The following LRRC45 variants were observed in gnomAD, a reference collection of about 807,000 sequenced individuals.
The protein encoded by LRRC45 is leucine rich repeat containing 45.
A neutral mutation model predicts 85.4 loss-of-function variants in LRRC45; 73 were observed. That is an observed-to-expected ratio of 0.85 (90% CI 0.71 to 1.04). The LOEUF is 1.04. LRRC45 is among the 50% of genes least tolerant of loss of function. The pLI is 0.00. For missense variants in LRRC45, 937 were observed against 883.3 expected, an observed-to-expected ratio of 1.06 and a Z score of -0.77; for synonymous variants, 429 against 386.0, an observed-to-expected ratio of 1.11 and a Z score of -1.31.
intron 1 of LRRC45, 130 bp from the exon 2 acceptor site, chr17:82,024,148 C>A: frequency 9.1e-7 from 1 of 1,098,668 alleles, no homozygotes; most frequent in African/African-American, 1.6e-5. Context: ...AGACTCTTGG[C>A]CAGCGCCAAC....
chr17:82,026,976 G>A lies in LRRC45; in HGVS notation c.739G>A (p.Glu247Lys), dbSNP rs375847680. The A allele has an allele frequency of 5.3e-5, 85 of 1,606,540 alleles. No homozygotes were observed. Among genetic ancestry groups the A allele is most frequent in the Non-Finnish European group, 7.1e-5 (84 of 1,178,490 alleles). ...NQARTHVLSK[E>K]VQHLREEKSK... ...AGCCCGCACTCACGTCCTCAGCAAGGAGGTCCAGCACCTCCGGGAGGAGAA... is the reference window on the plus strand; with the variant it reads ...AGCCCGCACTCACGTCCTCAGCAAGAAGGTCCAGCACCTCCGGGAGGAGAA... The change falls in exon 6 of 17, where the codon GAG becomes AAG. Residue 247 changes from glutamate (E) to lysine (K), a missense_variant. By Grantham distance (56) the Glu-to-Lys change is moderately conservative (BLOSUM62 1). Coordinates refer to ENST00000306688, the MANE Select transcript of LRRC45 (RefSeq NM_144999.4).
chr17:82,026,754 A>G (rs2043371422), intron 5 of LRRC45, 145 bp from the exon 6 acceptor site: 2 of 567,740 alleles, frequency 3.5e-6, no homozygotes, highest in African/African-American at 3.8e-5. Context: ...ACTTTTTTGT[A>G]TTTTTAGTAC....
chr17:82,025,502 C>G lies in LRRC45; in HGVS notation c.656C>G (p.Ala219Gly). 1.9e-6 allele frequency: 3 copies of G among 1,602,850 alleles called. No individual in the cohort carries two copies. Among genetic ancestry groups the G allele is most frequent in the Non-Finnish European group, 2.6e-6 (3 of 1,174,526 alleles). Residue 219 changes from alanine to glycine, a missense_variant, in exon 5 of 17, where the codon GCC becomes GGC. Ala to Gly is a moderately conservative substitution (Grantham distance 60, BLOSUM62 0). Transcript: ENST00000306688. ...GNNIPGDVLR[A>G]VEQAMGHSQD... Reference sequence around the variant, plus strand: ...AACATCCCTGGAGACGTCCTCAGAGCCGTGGGTACGGTGCAGGGCTGTGTG... The same window carrying G: ...AACATCCCTGGAGACGTCCTCAGAGGCGTGGGTACGGTGCAGGGCTGTGTG...
At chr17:82,025,581 G>A in intron 5 of LRRC45, 74 bp downstream of exon 5, 31 of 1,454,590 alleles carry the variant, frequency 2.1e-5, no homozygotes, top group Non-Finnish European at 2.7e-5. Context: ...GGGGTGCCGG[G>A]CTCAGGACGG....
intron 7 of LRRC45, 73 bp from the exon 8 acceptor site, chr17:82,027,601 C>G: frequency 5.2e-6 from 8 of 1,544,216 alleles, no homozygotes; most frequent in Non-Finnish European, 7.1e-6. Flanking sequence ...ACAGCAGCAG[C>G]TACCGAGGCC....
In LRRC45 at chr17:82,028,518, G is replaced by A. The variant is rs1367324140; in HGVS notation, c.1237+10G>A. Reference sequence around the variant, plus strand: ...GCCATCCAGGCCGAGGGTGGGCACGGGCAGGCCTGCTGTGGAGGGGCCTGG... The same window carrying A: ...GCCATCCAGGCCGAGGGTGGGCACGAGCAGGCCTGCTGTGGAGGGGCCTGG... On this transcript the variant is annotated intron_variant, in intron 11 of 16. Coordinates refer to ENST00000306688, the MANE Select transcript of LRRC45 (RefSeq NM_144999.4). 1.1e-5 allele frequency: 17 copies of A among 1,612,024 alleles called. No individual in the cohort carries two copies. The highest frequency in any genetic ancestry group is 1.4e-5 in the Non-Finnish European group (16 of 1,179,680).
chr17:82,029,433 G>A (rs946195089), intron 13 of LRRC45, 110 bp from the exon 14 acceptor site: 3 of 1,260,684 alleles, frequency 2.4e-6, no homozygotes, highest in East Asian at 2.5e-5. Flanking sequence ...TGGCCCTCAG[G>A]AGGCTGGCAG....
chr17:82,027,645 ACTCTCTGCACCCTC>A lies in LRRC45; in HGVS notation c.834-20_834-7del, dbSNP rs143543719. ...ATGGGAGCGCTCTGGGGTTTGGGTT[ACTCTCTGCACCCTC>A]CTCTCTGCCCACAGGGCGTCGGCAG... is the stretch of plus-strand genomic sequence containing the variant. On this transcript the variant is annotated splice_polypyrimidine_tract_variant and intron_variant, in intron 7 of 16. Coordinates refer to ENST00000306688, the MANE Select transcript of LRRC45 (RefSeq NM_144999.4). 4.1e-4 allele frequency: 651 copies of A among 1,602,840 alleles called. 2 individuals are homozygous for A. The African/African-American group carries it at 7.7e-3, about 19-fold the overall frequency.
chr17:82,027,102 C>A, intron 6 of LRRC45, 91 bp downstream of exon 6: 1 of 1,166,948 alleles, frequency 8.6e-7, no homozygotes, highest in Non-Finnish European at 1.2e-6. Context: ...GTCTGCCCAT[C>A]TTCCCTTCCT....
chr17:82,029,311 C>CT (rs1457916844), intron 13 of LRRC45, 126 bp downstream of exon 13: 17 of 1,012,108 alleles, frequency 1.7e-5, no homozygotes, highest in Non-Finnish European at 2.4e-5. Flanking sequence ...TAGGCCCCAC[C>CT]TTGGGGACCC....
chr17:82,027,595 C>T (rs1353054686), intron 7 of LRRC45, 79 bp from the exon 8 acceptor site: 1 of 1,536,284 alleles, frequency 6.5e-7, no homozygotes, highest in Non-Finnish European at 8.9e-7. Flanking sequence ...TAAGGAACAG[C>T]AGCAGCTACC....
intron 5 of LRRC45, among the ~76,000 whole-genome samples, chr17:82,025,795 G>A (rs148692587): frequency 6.6e-6 from 1 of 152,342 alleles, no homozygotes; most frequent in Non-Finnish European, 1.5e-5. Context: ...GTGGCTCACA[G>A]TCCTGGCCTT....
Position 82,029,413 on chromosome 17 carries a change from A to C in LRRC45, c.1402-130A>C. 3.7e-6 allele frequency: 4 copies of C among 1,087,368 alleles called. No individual in the cohort carries two copies. The East Asian group carries it at 1.0e-4, about 28-fold the overall frequency. 67.4% of individuals were successfully genotyped at this position (1,087,368 alleles called of 1,614,324 possible). ...CCTTGCCCAGCGAGCTAGGTGGCAG[A>C]GCAGCTGCGTGGCCCTCAGGAGGCT... is the stretch of plus-strand genomic sequence containing the variant. On this transcript the variant is annotated intron_variant, in intron 13 of 16. Transcript: ENST00000306688.
At chr17:82,023,911 A>T in intron 1 of LRRC45, 48 bp downstream of exon 1, 1 of 1,493,402 alleles carries the variant, frequency 6.7e-7, no homozygotes, top group Non-Finnish European at 9.0e-7. Context: ...AGCTGCCCAC[A>T]CCATTGCCTC....
At chr17:82,027,337 G>A in intron 6 of LRRC45, 49 bp from the exon 7 acceptor site, 1 of 1,606,270 alleles carries the variant, frequency 6.2e-7, no homozygotes, top group East Asian at 2.2e-5. Flanking sequence ...AAGGTCAGGT[G>A]GACAGGCTGC....
intron 5 of LRRC45, among the ~76,000 whole-genome samples, chr17:82,026,257 T>C (rs968122764): frequency 2.6e-5 from 4 of 152,224 alleles, no homozygotes; most frequent in African/African-American, 9.6e-5. Context: ...CTCAGCATTG[T>C]GCAGTGCCCC....
Position 82,030,410 on chromosome 17 carries a change from TGGC to T in LRRC45, c.1764_1766del (p.Ala589del). 1 of 1,549,464 alleles carries T rather than the reference TGGC, an allele frequency of 6.5e-7. No homozygotes were observed. The highest frequency in any genetic ancestry group is 8.7e-7 in the Non-Finnish European group (1 of 1,146,966). On this transcript the variant is annotated inframe_deletion, in exon 16 of 17. Coordinates refer to ENST00000306688, the MANE Select transcript of LRRC45 (RefSeq NM_144999.4). Reference sequence around the variant, plus strand: ...CAGAACGGCCGGCTGCAGGCGGAGCTGGCGGCTCAGGAGGCGCTGAGGGAGAAG... The same window carrying T: ...CAGAACGGCCGGCTGCAGGCGGAGCTGGCTCAGGAGGCGCTGAGGGAGAAG...
rs1217772822 is a variant in LRRC45, at chr17:82,023,817, G to C, written c.174G>C (p.Thr58=). The change falls in exon 1 of 17, where the codon ACG becomes ACC. Residue 58 remains threonine (T), a synonymous_variant. Transcript: ENST00000306688. ...RALGKLLPRE[T]LCTELVLSDC... The stretch of plus-strand genomic sequence containing the variant: ...TGGGCAAGCTGCTGCCGAGGGAGAC[G>C]CTGTGCACGGAGCTGGTCCTGAGTG... 7 of 1,569,616 alleles carry C rather than the reference G, an allele frequency of 4.5e-6. No individual in the cohort carries two copies. The highest frequency in any genetic ancestry group is 1.9e-5 in the Admixed American group (1 of 53,500).
chr17:82,029,053 C>A, intron 12 of LRRC45, 40 bp from the exon 13 acceptor site: 3 of 1,569,338 alleles, frequency 1.9e-6, no homozygotes, highest in Non-Finnish European at 1.7e-6. Context: ...TAGGGAGGCC[C>A]GCTCTCCACT....
Sources: gnomAD v4.1 joint callset for allele counts (sites outside exome capture counted in the v4.1 genomes callset) on GRCh38, gnomAD v4.1.1 for gene constraint, MANE v1.5 for transcripts, NCBI Gene and HGNC (gene_info 2026-07-23, HGNC 2026-07-21) for gene names.